Variants in SNTB1 observed in about 807,000 individuals in gnomAD.
SNTB1 encodes the protein beta-1-syntrophin.
In SNTB1, 36 loss-of-function variants were observed where a neutral mutation model predicts 48.9. The ratio of observed to expected loss-of-function variants is 0.74; its 90% confidence interval spans 0.56 to 0.97. SNTB1 has a LOEUF of 0.97. Ranked by LOEUF, SNTB1 falls within the 50% of genes least tolerant of loss-of-function variation. SNTB1 has a pLI of 0.00. For missense variants in SNTB1, 786 were observed against 703.4 expected (o/e 1.12, Z -1.33); for synonymous variants, 299 against 294.6 (o/e 1.01, Z -0.15).
At chr8:120,777,605 G>A (rs1239123596) in intron 1 of SNTB1, among the ~76,000 whole-genome samples, 1 of 152,138 alleles carries the variant, frequency 6.6e-6, no homozygotes, top group Non-Finnish European at 1.5e-5. Context: ...CTTCCTCACT[G>A]GCTTCATGAA....
At chr8:120,580,041 C>T (rs1351084835) in intron 3 of SNTB1, among the ~76,000 whole-genome samples, 2 of 152,182 alleles carry the variant, frequency 1.3e-5, no homozygotes, top group African/African-American at 4.8e-5. Context: ...TAAATTATTG[C>T]TAGCACCTCC....
At position 120,699,393 on chromosome 8, in the gene SNTB1, G is replaced by A. The variant is rs1818266285; in HGVS notation, c.572-5485C>T. Among the ~76,000 whole-genome samples the A allele has an allele frequency of 2.0e-5, 3 of 152,154 alleles. No homozygotes were observed. The South Asian group carries it at 6.2e-4, about 31-fold the overall frequency. ...TGAATGGCTTAGCGCCATCCCCTTG[G>A]TAATGAGTGAGTTCTCACCCAGTTG... is the stretch of plus-strand genomic sequence containing the variant. On this transcript the variant is annotated intron_variant, in intron 1 of 6. Coordinates refer to ENST00000517992, the MANE Select transcript of SNTB1 (RefSeq NM_021021.4).
chr8:120,655,091 G>T, intron 2 of SNTB1: 2 of 365,040 alleles, frequency 5.5e-6, no homozygotes, highest in Admixed American at 3.4e-5. Context: ...TCTAGATCAT[G>T]ACATTTTGGG....
At chr8:120,687,697 G>A (rs1432607098) in intron 2 of SNTB1, among the ~76,000 whole-genome samples, 4 of 152,130 alleles carry the variant, frequency 2.6e-5, no homozygotes, top group Non-Finnish European at 5.9e-5. Flanking sequence ...ATTGTTTTGG[G>A]TTATTAATAC....
At chr8:120,566,782 G>T (rs1233913081) in intron 4 of SNTB1, among the ~76,000 whole-genome samples, 1 of 152,178 alleles carries the variant, frequency 6.6e-6, no homozygotes, top group Non-Finnish European at 1.5e-5. Context: ...CCCAGATGGT[G>T]TTCCCGCTGC....
intron 1 of SNTB1, chr8:120,768,576 G>A (rs890652222): frequency 2.0e-5 from 3 of 152,180 alleles, no homozygotes; most frequent in Non-Finnish European, 4.4e-5. Flanking sequence ...GATATGGAGA[G>A]AAATAAGTAG....
chr8:120,741,172 A>T (rs1217474743), intron 1 of SNTB1, among the ~76,000 whole-genome samples: 2 of 152,220 alleles, frequency 1.3e-5, no homozygotes, highest in African/African-American at 4.8e-5. Context: ...TTAACCTCAC[A>T]TGATCATATT....
intron 2 of SNTB1, among the ~76,000 whole-genome samples, chr8:120,660,582 G>A (rs539841806): frequency 6.6e-6 from 1 of 152,252 alleles, no homozygotes; most frequent in South Asian, 2.1e-4. Flanking sequence ...TTCCATATGA[G>A]CAAAAAAGCT....
intron 5 of SNTB1, among the ~76,000 whole-genome samples, chr8:120,542,980 C>G (rs535999053): frequency 9.2e-5 from 14 of 152,256 alleles, no homozygotes; most frequent in Middle Eastern, 3.4e-3. Flanking sequence ...GAGGAGCACC[C>G]TGAGTGCGGC....
At chr8:120,555,821 G>T (rs1331517333) in intron 4 of SNTB1, among the ~76,000 whole-genome samples, 1 of 152,118 alleles carries the variant, frequency 6.6e-6, no homozygotes, top group African/African-American at 2.4e-5. Flanking sequence ...TATAAGAAGA[G>T]GAAGAGAAGC....
chr8:120,664,052 GT>G (rs1288760043), intron 2 of SNTB1, among the ~76,000 whole-genome samples: 1 of 152,198 alleles, frequency 6.6e-6, no homozygotes, highest in African/African-American at 2.4e-5. Flanking sequence ...TCTAAGCCAT[GT>G]ATAGCTTAGT....
At chr8:120,554,652 C>G (rs1258584880) in intron 4 of SNTB1, among the ~76,000 whole-genome samples, 1 of 152,156 alleles carries the variant, frequency 6.6e-6, no homozygotes, top group Non-Finnish European at 1.5e-5. Context: ...ATGAGAAACA[C>G]ATTTATTTCA....
intron 4 of SNTB1, among the ~76,000 whole-genome samples, chr8:120,551,595 A>C (rs1053752960): frequency 6.6e-6 from 1 of 151,806 alleles, no homozygotes; most frequent in Non-Finnish European, 1.5e-5. Context: ...GCATGCTGGC[A>C]TGTGCCTGTA....
intron 1 of SNTB1, 50 bp downstream of exon 1, chr8:120,811,223 G>A (rs749465514): frequency 1.2e-5 from 19 of 1,536,704 alleles, no homozygotes; most frequent in African/African-American, 6.8e-5. Context: ...GTGGGAAGCC[G>A]AGCAGGTGTG....
chr8:120,630,760 C>T (rs1285059448), intron 3 of SNTB1, among the ~76,000 whole-genome samples: 2 of 152,188 alleles, frequency 1.3e-5, no homozygotes, highest in African/African-American at 4.8e-5. Flanking sequence ...TTAGGTGAGG[C>T]TGATTTCAGC....
At chr8:120,593,941 T>C (rs1301663899) in intron 3 of SNTB1, among the ~76,000 whole-genome samples, 3 of 152,214 alleles carry the variant, frequency 2.0e-5, no homozygotes, top group Non-Finnish European at 4.4e-5. Context: ...GGGACTTTCA[T>C]TGTTCACTTC....
intron 1 of SNTB1, among the ~76,000 whole-genome samples, chr8:120,773,357 C>A (rs559897819): frequency 5.9e-4 from 90 of 152,208 alleles, no homozygotes; most frequent in African/African-American, 2.1e-3. Context: ...ATCTCTATTA[C>A]AAATAAATAC....
intron 2 of SNTB1, among the ~76,000 whole-genome samples, chr8:120,657,277 C>T (rs1037718498): frequency 2.0e-5 from 3 of 152,172 alleles, no homozygotes; most frequent in Non-Finnish European, 4.4e-5. Flanking sequence ...ATTATCTTGG[C>T]AGTATCTCCC....
At chr8:120,734,590 G>C (rs919668072) in intron 1 of SNTB1, among the ~76,000 whole-genome samples, 1 of 152,154 alleles carries the variant, frequency 6.6e-6, no homozygotes, top group African/African-American at 2.4e-5. Flanking sequence ...CCATTTTATA[G>C]ATGAAGAGGA....
Sources: allele counts gnomAD v4.1 joint callset (sites outside exome capture counted in the v4.1 genomes callset), GRCh38; gene constraint gnomAD v4.1.1; transcripts MANE v1.5; gene names NCBI Gene and HGNC (gene_info 2026-07-23, HGNC 2026-07-21).